The following PTPRS variants were observed in gnomAD, a reference collection of about 807,000 sequenced individuals.
PTPRS encodes the protein receptor-type tyrosine-protein phosphatase S.
Under a neutral mutation model 215.3 loss-of-function variants are expected in PTPRS, and 63 were observed. The ratio of observed to expected loss-of-function variants is 0.29; its 90% CI spans 0.24 to 0.36. The LOEUF is 0.36. Among genes scored for constraint, PTPRS ranks in the 10% least tolerant of loss-of-function variants. PTPRS has a pLI of 1.00. For synonymous variants in PTPRS, 1,404 were observed against 1,191.4 expected (o/e 1.18, Z -3.68); for missense variants, 2,258 against 2,825.8 (o/e 0.80, Z 4.56).
Position 5,225,854 on chromosome 19 carries a change from C to T in PTPRS, c.2377-10G>A, listed in dbSNP as rs201450045. On this transcript the variant is annotated splice_polypyrimidine_tract_variant and intron_variant, in intron 16 of 37. Transcript: ENST00000262963. The stretch of plus-strand genomic sequence containing the variant: ...TTGTGATGACCATCTCCTGCAGGCA[C>T]GGCTGGGGGTCAGCACGACGGCTGG... The T allele has an allele frequency of 1.5e-3, 2,360 of 1,610,476 alleles. 10 individuals carry two copies. Among genetic ancestry groups the T allele is most frequent in the South Asian group, 5.9e-3 (540 of 91,010 alleles).
At chr19:5,262,377 T>C (rs1276455921) in intron 6 of PTPRS, among the ~76,000 whole-genome samples, 1 of 152,232 alleles carries the variant, frequency 6.6e-6, no homozygotes, top group Non-Finnish European at 1.5e-5. Flanking sequence ...CCTCCCACCC[T>C]GAGAGAGATG....
At chr19:5,226,281 C>T (rs1458932868) in intron 16 of PTPRS, among the ~76,000 whole-genome samples, 6 of 152,214 alleles carry the variant, frequency 3.9e-5, no homozygotes, top group Admixed American at 3.9e-4. Context: ...TCCAATGCAC[C>T]AGGCACAGCC....
At chr19:5,326,073 A>G (rs1477133849) in intron 1 of PTPRS, among the ~76,000 whole-genome samples, 1 of 152,152 alleles carries the variant, frequency 6.6e-6, no homozygotes, top group South Asian at 2.1e-4. Flanking sequence ...ACTACCAAAA[A>G]TACAAAAATT....
chr19:5,250,944 CGGCGGGGGGGGGGG>C (rs2146100452), intron 9 of PTPRS: 2 of 1,540 alleles, frequency 1.3e-3, no homozygotes, highest in East Asian at 8.3e-3. Flanking sequence ...GGTGCGGGGG[CGGCGGGGGGGGGGG>C]GGGGGGCTCT....
intron 30 of PTPRS, 138 bp downstream of exon 30, chr19:5,214,223 G>C (rs747930070): frequency 1.4e-5 from 18 of 1,254,494 alleles, no homozygotes; most frequent in East Asian, 2.5e-5. Context: ...GGTTCCATGA[G>C]AATGTAGTCA....
intron 9 of PTPRS, among the ~76,000 whole-genome samples, chr19:5,251,733 C>A (rs1422964361): frequency 6.6e-6 from 1 of 152,086 alleles, no homozygotes; most frequent in Non-Finnish European, 1.5e-5. Flanking sequence ...TGGAGGGACG[C>A]CTGCCTTCCC....
intron 4 of PTPRS, among the ~76,000 whole-genome samples, chr19:5,272,875 G>T (rs926012238): frequency 2.0e-5 from 3 of 152,016 alleles, no homozygotes; most frequent in African/African-American, 7.2e-5. Context: ...TTATTCCTTT[G>T]GGGGAACCAC....
At position 5,245,938 on chromosome 19, in the gene PTPRS, C is replaced by T. The variant is rs2044441057; in HGVS notation, c.826G>A (p.Val276Met). 6.2e-7 allele frequency: 1 copy of T among 1,613,290 alleles called. No homozygotes were observed. Among genetic ancestry groups the T allele is most frequent in the Non-Finnish European group, 8.5e-7 (1 of 1,179,704 alleles). ...CVAVGSPMPY[V>M]KWMQGAEDLT... ...TCCTCGGCCCCCTGCATCCACTTCA[C>T]GTATGGCATGGGCGAGCCCACGGCC... The change falls in exon 10 of 38, where the codon GTG (valine) becomes ATG (methionine). Residue 276 changes from valine (V) to methionine (M), a missense_variant. By Grantham distance (21) the Val-to-Met change is conservative. Coordinates refer to ENST00000262963, the MANE Select transcript of PTPRS (RefSeq NM_002850.4).
intron 1 of PTPRS, among the ~76,000 whole-genome samples, chr19:5,305,762 TATA>T (rs1168620990): frequency 0.016 from 1,736 of 110,638 alleles, 34 homozygotes; most frequent in African/African-American, 0.061. Context: ...TATATATATA[TATA>T]TTTTTTTTTT....
At chr19:5,269,129 C>A (rs986960570) in intron 4 of PTPRS, among the ~76,000 whole-genome samples, 1 of 152,066 alleles carries the variant, frequency 6.6e-6, no homozygotes, top group Non-Finnish European at 1.5e-5. Flanking sequence ...ACGAGGGAAC[C>A]CTGTATTTCA....
intron 13 of PTPRS, among the ~76,000 whole-genome samples, chr19:5,232,536 G>A (rs187552028): frequency 6.6e-6 from 1 of 150,958 alleles, no homozygotes; most frequent in Non-Finnish European, 1.5e-5. Context: ...CAGGTACCGT[G>A]CCAAGGGGAA....
intron 25 of PTPRS, among the ~76,000 whole-genome samples, chr19:5,217,737 C>G (rs1435252494): frequency 2.6e-5 from 4 of 152,130 alleles, no homozygotes; most frequent in Non-Finnish European, 5.9e-5. Flanking sequence ...GCTGTGAACC[C>G]ATAAGGAGAA....
In PTPRS at chr19:5,210,385, C is replaced by A; in HGVS notation, c.5487+84G>T. ...CCCAATGCTTATGCCTAACCCTTGG[C>A]CTTTGTATCCATCACCAACCAGGGC... On this transcript the variant is annotated intron_variant, in intron 35 of 37. Coordinates refer to ENST00000262963, the MANE Select transcript of PTPRS (RefSeq NM_002850.4). The surrounding 1 kb of genome is among the most constrained non-coding windows in gnomAD (Gnocchi z 4.5). 1 of 1,585,022 alleles carries A rather than the reference C, an allele frequency of 6.3e-7. No individual in the cohort carries two copies. The highest frequency in any genetic ancestry group is 8.6e-7 in the Non-Finnish European group (1 of 1,160,266).
At chr19:5,215,901 G>A (rs1462130713) in intron 26 of PTPRS, among the ~76,000 whole-genome samples, 3 of 152,188 alleles carry the variant, frequency 2.0e-5, no homozygotes, top group Non-Finnish European at 4.4e-5. Context: ...AGCTGGGGGT[G>A]CAGGGGCTGG....
At chr19:5,241,094 G>A (rs1342543692) in intron 11 of PTPRS, among the ~76,000 whole-genome samples, 5 of 151,074 alleles carry the variant, frequency 3.3e-5, no homozygotes, top group Non-Finnish European at 2.9e-5. Context: ...TTCACCAATT[G>A]GCCAGGCTGG....
chr19:5,238,281 A>G (rs55646775), intron 13 of PTPRS, among the ~76,000 whole-genome samples: 47,986 of 151,958 alleles, frequency 0.32, 7,810 homozygotes, highest in African/African-American at 0.35. Context: ...CCAAACAGGG[A>G]GGCCGGGCCG....
chr19:5,308,808 C>T (rs2049589563), intron 1 of PTPRS, among the ~76,000 whole-genome samples: 1 of 152,224 alleles, frequency 6.6e-6, no homozygotes, highest in Non-Finnish European at 1.5e-5. Context: ...TGGTAATCAG[C>T]AATGAATTAC....
At position 5,220,248 on chromosome 19, in the gene PTPRS, C is replaced by T. The variant is rs1410135021; in HGVS notation, c.3549+12G>A. The T allele has an allele frequency of 6.2e-7, 1 of 1,613,266 alleles. No homozygotes were observed. Among genetic ancestry groups the T allele is most frequent in the Non-Finnish European group, 8.5e-7 (1 of 1,179,552 alleles). ...GCATCTGGGCCCTGCGGGTTGGGCC[C>T]CAGGCCCTCACCTCTTCCAGATCCA... On this transcript the variant is annotated intron_variant, in intron 21 of 37. Transcript: ENST00000262963.
Position 5,246,033 on chromosome 19 carries a change from G to A in PTPRS, c.731C>T (p.Ala244Val), listed in dbSNP as rs769218434. 3.1e-5 allele frequency: 47 copies of A among 1,510,762 alleles called. No individual in the cohort carries two copies. Among genetic ancestry groups the A allele is most frequent in the Non-Finnish European group, 4.1e-5 (46 of 1,124,560 alleles). 93.6% of individuals were successfully genotyped at this position (1,510,762 alleles called of 1,614,324 possible). A position where few individuals can be genotyped will look rare whatever the true frequency, so the allele number is the denominator to read the frequency against. Residue 244 changes from alanine to valine, a missense_variant, in exon 10 of 38, where the codon GCC (alanine) becomes GTC (valine). Transcript: ENST00000262963. ...VRELREVRRV[A>V]PRFSILPMSH... ...CATGGGCAGGATGGAGAAGCGCGGG[G>A]CCACGCGGCGGACTGGGGAGGGGGC...
Sources: allele counts gnomAD v4.1 joint callset (sites outside exome capture counted in the v4.1 genomes callset), GRCh38; gene constraint gnomAD v4.1.1; non-coding constraint Gnocchi (gnomAD v3.1); transcripts MANE v1.5; gene names NCBI Gene and HGNC (gene_info 2026-07-23, HGNC 2026-07-21).